The following MIPOL1 variants were observed in gnomAD, a reference collection of about 807,000 sequenced individuals.
MIPOL1 encodes the protein mirror-image polydactyly gene 1 protein.
A neutral mutation model predicts 60.9 loss-of-function variants in MIPOL1; 57 were observed. That is an observed-to-expected ratio of 0.94 (90% CI 0.76 to 1.17). The LOEUF (loss-of-function observed/expected upper bound fraction) is 1.17. MIPOL1 is among the 50% of genes most tolerant of loss of function. The pLI is 0.00. For missense variants in MIPOL1, 551 were observed against 511.6 expected, an observed-to-expected ratio of 1.08 and a Z score of -0.74; for synonymous variants, 179 against 168.8, an observed-to-expected ratio of 1.06 and a Z score of -0.47.
At chr14:37,448,024 A>G (rs1238288165) in intron 11 of MIPOL1, among the ~76,000 whole-genome samples, 2 of 152,312 alleles carry the variant, frequency 1.3e-5, no homozygotes, top group South Asian at 4.1e-4. Context: ...GAAAGAGTGC[A>G]TACTTTTGAG....
intron 11 of MIPOL1, among the ~76,000 whole-genome samples, chr14:37,498,285 T>C (rs1393785917): frequency 6.6e-6 from 1 of 152,226 alleles, no homozygotes. Flanking sequence ...CTGAATACTT[T>C]GTATATATGC....
chr14:37,233,241 G>T (rs568598280), intron 1 of MIPOL1, among the ~76,000 whole-genome samples: 1 of 152,234 alleles, frequency 6.6e-6, no homozygotes, highest in Non-Finnish European at 1.5e-5. Flanking sequence ...CACTACAAAG[G>T]TTAGGTTAAC....
In MIPOL1 at chr14:37,550,150, A is replaced by G. The variant is rs1464795958; in HGVS notation, c.*3179A>G. ...TTCAATGATAAAGTTGATCCTTTGTATATTTCCTTATTCAAATAAATTCAG... is the reference window on the plus strand; with the variant it reads ...TTCAATGATAAAGTTGATCCTTTGTGTATTTCCTTATTCAAATAAATTCAG... On this transcript the variant is annotated 3_prime_UTR_variant, in exon 13 of 13. Coordinates refer to ENST00000684589, the MANE Select transcript of MIPOL1 (RefSeq NM_001388067.1). 2.6e-5 allele frequency: 4 copies of G among 151,360 alleles called. No individual in the cohort carries two copies. Among genetic ancestry groups the G allele is most frequent in the South Asian group, 2.1e-4 (1 of 4,814 alleles). The allele number at this position is 151,360 out of a possible 1,614,324, so 9.4% of individuals were successfully genotyped here.
At chr14:37,407,542 C>T (rs906961093) in intron 10 of MIPOL1, among the ~76,000 whole-genome samples, 3 of 151,900 alleles carry the variant, frequency 2.0e-5, no homozygotes, top group African/African-American at 4.8e-5. Flanking sequence ...AATATGTGGC[C>T]GTTATTGGAT....
intron 11 of MIPOL1, among the ~76,000 whole-genome samples, chr14:37,470,829 A>T (rs1011243104): frequency 6.6e-6 from 1 of 152,174 alleles, no homozygotes; most frequent in Non-Finnish European, 1.5e-5. Flanking sequence ...GTGTATTGTC[A>T]TGGAAATCAG....
chr14:37,198,078 C>T lies in MIPOL1; in HGVS notation c.-225C>T, dbSNP rs940542292. The T allele has an allele frequency of 6.6e-6, 1 of 152,374 alleles. No individual in the cohort carries two copies. Among genetic ancestry groups the T allele is most frequent in the Admixed American group, 6.5e-5 (1 of 15,294 alleles). 9.4% of individuals were successfully genotyped at this position (152,374 alleles called of 1,614,324 possible). On this transcript the variant is annotated 5_prime_UTR_variant, in exon 1 of 13. Coordinates refer to ENST00000684589, the MANE Select transcript of MIPOL1 (RefSeq NM_001388067.1). ...ACTCGGCAAGCGCGCAGTGTCGACT[C>T]CCCGGTCTATGCCAGGCGCATCTCA...
intron 11 of MIPOL1, among the ~76,000 whole-genome samples, chr14:37,465,638 T>C (rs1433868282): frequency 6.6e-6 from 1 of 152,134 alleles, no homozygotes; most frequent in African/African-American, 2.4e-5. Context: ...TTCAATGTAG[T>C]ATTTTCAGTC....
intron 9 of MIPOL1, among the ~76,000 whole-genome samples, chr14:37,359,822 G>T (rs1018673705): frequency 6.6e-6 from 1 of 151,972 alleles, no homozygotes; most frequent in African/African-American, 2.4e-5. Flanking sequence ...TCTTTCTCTT[G>T]CCCGATTGCC....
chr14:37,481,520 A>T (rs1004171679), intron 11 of MIPOL1, among the ~76,000 whole-genome samples: 4 of 150,502 alleles, frequency 2.7e-5, no homozygotes, highest in African/African-American at 7.3e-5. Flanking sequence ...TGTTAAAAGA[A>T]ATAGAAAAAA....
chr14:37,522,507 T>C (rs2095420783), intron 12 of MIPOL1, among the ~76,000 whole-genome samples: 1 of 152,172 alleles, frequency 6.6e-6, no homozygotes, highest in Non-Finnish European at 1.5e-5. Flanking sequence ...TGCTCTGAAG[T>C]ATGCTGCAAC....
chr14:37,380,480 G>A (rs2092896716), intron 10 of MIPOL1, among the ~76,000 whole-genome samples: 1 of 152,198 alleles, frequency 6.6e-6, no homozygotes, highest in Non-Finnish European at 1.5e-5. Context: ...AATCATTATA[G>A]CCTATGCAGG....
chr14:37,463,588 C>T (rs940491446), intron 11 of MIPOL1, among the ~76,000 whole-genome samples: 1 of 152,182 alleles, frequency 6.6e-6, no homozygotes, highest in African/African-American at 2.4e-5. Context: ...CCCTCTCTCT[C>T]ACCATATACA....
At chr14:37,500,580 C>G (rs1045954610) in intron 12 of MIPOL1, among the ~76,000 whole-genome samples, 6 of 152,140 alleles carry the variant, frequency 3.9e-5, no homozygotes, top group Non-Finnish European at 5.9e-5. Context: ...AATTAATTTT[C>G]TTGTGTTGTT....
At chr14:37,225,286 G>A (rs1194977971) in intron 1 of MIPOL1, among the ~76,000 whole-genome samples, 2 of 152,196 alleles carry the variant, frequency 1.3e-5, no homozygotes, top group African/African-American at 4.8e-5. Context: ...GGAACTTTGT[G>A]TGGGGGCTCT....
intron 10 of MIPOL1, among the ~76,000 whole-genome samples, chr14:37,394,898 G>A (rs1311850189): frequency 6.6e-6 from 1 of 152,120 alleles, no homozygotes; most frequent in Non-Finnish European, 1.5e-5. Context: ...ATAGTTGCAG[G>A]TCTTGGATTT....
At chr14:37,382,500 A>G (rs1017967052) in intron 10 of MIPOL1, among the ~76,000 whole-genome samples, 1 of 152,070 alleles carries the variant, frequency 6.6e-6, no homozygotes, top group East Asian at 1.9e-4. Context: ...GCATTTACCA[A>G]TGTAGTTTTC....
intron 12 of MIPOL1, among the ~76,000 whole-genome samples, chr14:37,544,692 T>C (rs547369387): frequency 2.0e-5 from 3 of 152,342 alleles, no homozygotes; most frequent in Non-Finnish European, 2.9e-5. Flanking sequence ...CAGAAGTCAG[T>C]AAGCTTTCAC....
chr14:37,489,350 T>G (rs2095008417), intron 11 of MIPOL1, among the ~76,000 whole-genome samples: 1 of 152,210 alleles, frequency 6.6e-6, no homozygotes, highest in South Asian at 2.1e-4. Context: ...GCATTTCCTC[T>G]AACCTTTTTT....
At chr14:37,410,186 T>C (rs547308253) in intron 10 of MIPOL1, among the ~76,000 whole-genome samples, 2 of 152,216 alleles carry the variant, frequency 1.3e-5, no homozygotes, top group East Asian at 3.9e-4. Context: ...GACTTGAAGA[T>C]GACCTCTACA....
Sources: gnomAD v4.1 joint callset for allele counts (sites outside exome capture counted in the v4.1 genomes callset) on GRCh38, gnomAD v4.1.1 for gene constraint, MANE v1.5 for transcripts, NCBI Gene and HGNC (gene_info 2026-07-23, HGNC 2026-07-21) for gene names.